Variants in PEAR1 observed in about 807,000 individuals in gnomAD.
PEAR1 encodes multiple EGF-like domains protein 12.
PEAR1 carries 113 observed loss-of-function variants against 131.2 expected under a neutral mutation model. The observed-to-expected ratio is 0.86, with a 90% CI of 0.74 to 1.01. PEAR1 has a LOEUF of 1.01. PEAR1 is among the 50% of genes least tolerant of loss of function. The pLI is 0.00. For synonymous variants in PEAR1, 565 were observed against 523.3 expected, an observed-to-expected ratio of 1.08 and a Z score of -1.09; for missense variants, 1,408 against 1,391.1, an observed-to-expected ratio of 1.01 and a Z score of -0.19.
intron 3 of PEAR1, 65 bp from the exon 4 acceptor site, chr1:156,905,259 C>T: frequency 6.5e-7 from 1 of 1,530,552 alleles, no homozygotes; most frequent in Non-Finnish European, 8.9e-7. Flanking sequence ...TGGCCTCCCC[C>T]TGGCCACACT....
At chr1:156,900,497 G>A (rs1339412004) in intron 1 of PEAR1, among the ~76,000 whole-genome samples, 5 of 152,168 alleles carry the variant, frequency 3.3e-5, no homozygotes, top group East Asian at 1.9e-4. Flanking sequence ...CTGGCTGTGC[G>A]GTCCTGGTCA....
chr1:156,894,355 G>A (rs1191975846), intron 1 of PEAR1, among the ~76,000 whole-genome samples: 1 of 152,144 alleles, frequency 6.6e-6, no homozygotes, highest in Non-Finnish European at 1.5e-5. Context: ...AATAATATAG[G>A]GCCTACCTCA....
At chr1:156,897,917 A>T (rs1649319989) in intron 1 of PEAR1, among the ~76,000 whole-genome samples, 1 of 151,842 alleles carries the variant, frequency 6.6e-6, no homozygotes, top group Admixed American at 6.5e-5. Flanking sequence ...CTTGGGGTGT[A>T]GGCAGCCACA....
chr1:156,900,939 G>C (rs968230132), intron 1 of PEAR1, among the ~76,000 whole-genome samples: 1 of 152,166 alleles, frequency 6.6e-6, no homozygotes, highest in Non-Finnish European at 1.5e-5. Flanking sequence ...GGGGAGCATG[G>C]GCCAGGCTCA....
chr1:156,909,742 C>T lies in PEAR1; in HGVS notation c.1412-9C>T, dbSNP rs201544356. ...GTCCCCATACCTACCTACCAGGCCC[C>T]TCCTCCAGGTTGGCAGCGTGGTAAC... is the stretch of plus-strand genomic sequence containing the variant. On this transcript the variant is annotated splice_polypyrimidine_tract_variant and intron_variant, in intron 11 of 22. Coordinates refer to ENST00000292357, the MANE Select transcript of PEAR1 (RefSeq NM_001080471.3). 8.7e-5 allele frequency: 138 copies of T among 1,591,916 alleles called. No individual in the cohort carries two copies. Among genetic ancestry groups the T allele is most frequent in the Non-Finnish European group, 1.1e-4 (131 of 1,165,666 alleles).
intron 20 of PEAR1, 31 bp from the exon 21 acceptor site, chr1:156,913,661 G>T: frequency 6.2e-7 from 1 of 1,610,478 alleles, no homozygotes; most frequent in Non-Finnish European, 8.5e-7. Context: ...GGGGACAGAG[G>T]GCTGATTACC....
Position 156,913,431 on chromosome 1 carries a change from G to A in PEAR1, c.2552G>A (p.Arg851Gln), listed in dbSNP as rs746523616. Residue 851 changes from arginine (R) to glutamine (Q), a missense_variant, in exon 20 of 23, where the codon CGG becomes CAG. Arg to Gln is a conservative substitution (Grantham distance 43). Coordinates refer to ENST00000292357, the MANE Select transcript of PEAR1 (RefSeq NM_001080471.3). ...TTTGCCAGCCTGCAGAACCCTGAGC[G>A]GCCAGGTGGGGCCCAAGGGCATGAT... Reference protein sequence around the residue: ...PLFASLQNPERPGGAQGHDNH... With the variant: ...PLFASLQNPEQPGGAQGHDNH... 8.1e-6 allele frequency: 13 copies of A among 1,613,776 alleles called. No individual in the cohort carries two copies. The highest frequency in any genetic ancestry group is 1.6e-4 in the Middle Eastern group (1 of 6,084).
intron 3 of PEAR1, 50 bp downstream of exon 3, chr1:156,904,902 C>T: frequency 6.2e-7 from 1 of 1,611,252 alleles, no homozygotes; most frequent in Non-Finnish European, 8.5e-7. Context: ...GAGTCGCTGC[C>T]TCAGCCTGGC....
intron 1 of PEAR1, among the ~76,000 whole-genome samples, chr1:156,900,051 A>G (rs1055724353): frequency 1.3e-5 from 2 of 151,628 alleles, no homozygotes; most frequent in African/African-American, 4.8e-5. Context: ...GGGCACAGTG[A>G]GGGTAGGGGG....
chr1:156,914,688 C>T lies in PEAR1; in HGVS notation c.3004C>T (p.Leu1002=), dbSNP rs1651694461. ...CTCCCAGCCCCCTCTGCCTCCGGGC[C>T]TACCCCCCGGCCACTATGACTCACC... ...VGSQPPLPPG[L]PPGHYDSPKN... The change falls in exon 23 of 23, where the codon CTA becomes TTA. Residue 1002 remains leucine (L), a synonymous_variant. Transcript: ENST00000292357. 1 of 1,613,724 alleles carries T rather than the reference C, an allele frequency of 6.2e-7. No homozygotes were observed. The highest frequency in any genetic ancestry group is 8.5e-7 in the Non-Finnish European group (1 of 1,179,816).
intron 2 of PEAR1, 73 bp downstream of exon 2, chr1:156,904,100 G>A (rs1349247496): frequency 7.8e-7 from 1 of 1,277,936 alleles, no homozygotes; most frequent in Non-Finnish European, 1.1e-6. Context: ...CCCTACTGGG[G>A]TCCTTTTCTT....
At chr1:156,901,615 G>A (rs1300340799) in intron 1 of PEAR1, among the ~76,000 whole-genome samples, 1 of 152,252 alleles carries the variant, frequency 6.6e-6, no homozygotes, top group Non-Finnish European at 1.5e-5. Flanking sequence ...AGGGACAAGG[G>A]TGATGAGCCT....
intron 17 of PEAR1, 53 bp downstream of exon 17, chr1:156,912,675 T>C: frequency 1.2e-6 from 2 of 1,609,360 alleles, no homozygotes; most frequent in Non-Finnish European, 1.7e-6. Flanking sequence ...AACTGGGACC[T>C]AGGCCCCTCA....
chr1:156,906,399 T>A, intron 5 of PEAR1, 31 bp downstream of exon 5: 1 of 1,609,642 alleles, frequency 6.2e-7, no homozygotes, highest in Non-Finnish European at 8.5e-7. Context: ...GGGAGTGGCC[T>A]CTTGTGCCTT....
chr1:156,911,094 CT>C (rs1558143949), intron 15 of PEAR1, among the ~76,000 whole-genome samples: 2 of 60,404 alleles, frequency 3.3e-5, no homozygotes, highest in African/African-American at 7.3e-5. Context: ...TCTTTCTTTC[CT>C]TTCTTTCTTT....
chr1:156,904,939 C>G, intron 3 of PEAR1, 87 bp downstream of exon 3: 2 of 1,583,254 alleles, frequency 1.3e-6, no homozygotes, highest in South Asian at 2.3e-5. Flanking sequence ...CTGTTCACTT[C>G]TCAGAAACTC....
At position 156,908,928 on chromosome 1, in the gene PEAR1, G is replaced by A. The variant is rs752746326; in HGVS notation, c.1303G>A (p.Ala435Thr). ...CAPGYTGPHC[A>T]SLCPPDTYGV... Reference sequence around the variant, plus strand: ...CACCCTCTTTCAGGGCCCTCACTGTGCTAGTCTTTGTCCTCCTGACACCTA... The same window carrying A: ...CACCCTCTTTCAGGGCCCTCACTGTACTAGTCTTTGTCCTCCTGACACCTA... Residue 435 changes from alanine (A) to threonine (T), a missense_variant, in exon 11 of 23, where the codon GCT becomes ACT. Physicochemically the swap from Ala to Thr is moderately conservative, Grantham distance 58 (BLOSUM62 0). Coordinates refer to ENST00000292357, the MANE Select transcript of PEAR1 (RefSeq NM_001080471.3). This position sits in a 1 kb window ranked among gnomAD's most constrained non-coding sequence, Gnocchi z 4.2. The A allele has an allele frequency of 1.9e-6, 3 of 1,613,654 alleles. No individual in the cohort carries two copies. Among genetic ancestry groups the A allele is most frequent in the South Asian group, 2.2e-5 (2 of 91,088 alleles).
intron 3 of PEAR1, 111 bp from the exon 4 acceptor site, chr1:156,905,213 G>A (rs1379973927): frequency 7.5e-6 from 9 of 1,201,308 alleles, no homozygotes; most frequent in Non-Finnish European, 1.1e-5. Context: ...CTTTCTATGC[G>A]CCCTCAGCCC....
At chr1:156,899,387 G>A (rs894215861) in intron 1 of PEAR1, among the ~76,000 whole-genome samples, 6 of 152,126 alleles carry the variant, frequency 3.9e-5, no homozygotes, top group African/African-American at 7.2e-5. Flanking sequence ...CTTGTCAACC[G>A]CATCTGGCTT....
Sources: gnomAD v4.1 joint callset for allele counts (sites outside exome capture counted in the v4.1 genomes callset) on GRCh38, gnomAD v4.1.1 for gene constraint, Gnocchi (gnomAD v3.1) non-coding constraint, MANE v1.5 for transcripts, NCBI Gene and HGNC (gene_info 2026-07-23, HGNC 2026-07-21) for gene names.